Variants in MLLT3 observed in about 807,000 individuals in gnomAD.
MLLT3 encodes protein AF-9.
Under a neutral mutation model 53.2 loss-of-function variants are expected in MLLT3, and 4 were observed. The observed-to-expected ratio is 0.08, with a 90% CI of 0.04 to 0.17. The LOEUF (loss-of-function observed/expected upper bound fraction) is 0.17, where lower values mean the gene tolerates loss of function less well. Ranked by LOEUF, MLLT3 falls within the 10% of genes least tolerant of loss-of-function variation. The pLI, the probability that MLLT3 is intolerant of heterozygous loss-of-function variation, is 1.00. For synonymous variants in MLLT3, 283 were observed against 230.6 expected, an observed-to-expected ratio of 1.23 and a Z score of -2.06; for missense variants, 569 against 684.0, an observed-to-expected ratio of 0.83 and a Z score of 1.87.
intron 5 of MLLT3, among the ~76,000 whole-genome samples, chr9:20,387,378 G>A (rs1261522540): frequency 6.6e-6 from 1 of 152,198 alleles, no homozygotes; most frequent in Non-Finnish European, 1.5e-5. Flanking sequence ...TAGGGATTTG[G>A]TGAACTTTGT....
intron 2 of MLLT3, among the ~76,000 whole-genome samples, chr9:20,534,220 G>T (rs1296013038): frequency 1.3e-5 from 2 of 152,162 alleles, no homozygotes; most frequent in Admixed American, 6.5e-5. Context: ...CATGTCTTCG[G>T]AAAGTTGCTA....
chr9:20,501,157 A>G (rs907602419), intron 2 of MLLT3, among the ~76,000 whole-genome samples: 11 of 152,346 alleles, frequency 7.2e-5, no homozygotes, highest in South Asian at 2.1e-4. Flanking sequence ...TTCTACTTCC[A>G]TAAATCATGA....
chr9:20,421,828 T>C (rs1823015963), intron 4 of MLLT3, among the ~76,000 whole-genome samples: 1 of 151,910 alleles, frequency 6.6e-6, no homozygotes, highest in South Asian at 2.1e-4. Flanking sequence ...AATCAACCCA[T>C]CAATTGGCAG....
intron 2 of MLLT3, among the ~76,000 whole-genome samples, chr9:20,575,722 G>A (rs1279961547): frequency 6.6e-6 from 1 of 152,092 alleles, no homozygotes; most frequent in Admixed American, 6.6e-5. Context: ...TATTCAGTGT[G>A]GCAAGCAGAT....
chr9:20,422,622 A>T (rs1823038833), intron 4 of MLLT3, among the ~76,000 whole-genome samples: 2 of 152,204 alleles, frequency 1.3e-5, no homozygotes, highest in Admixed American at 1.3e-4. Context: ...GAGAGATTCG[A>T]GAGAATAATG....
rs1587152859 is a variant in MLLT3, at chr9:20,360,788, A to G, written c.1385T>C (p.Leu462Pro). 1 of 1,614,110 alleles carries G rather than the reference A, an allele frequency of 6.2e-7. No homozygotes were observed. The highest frequency in any genetic ancestry group is 8.5e-7 in the Non-Finnish European group (1 of 1,179,932). Residue 462 changes from leucine (L) to proline (P), a missense_variant, in exon 8 of 11, where the codon CTA becomes CCA. Physicochemically the swap from Leu to Pro is moderately conservative, Grantham distance 98 (BLOSUM62 -3). This residue lies in a region of MLLT3 where 437 missense variants were observed against 376.5 expected (regional missense o/e 1.16). Transcript: ENST00000380338. ...DSESSSASSP[L>P]HHEPPPPLLK... ...TAAGGGTGGTGGAGGTTCGTGATGT[A>G]GGGGTGAAGAAGCAGAACTGCTTTC...
chr9:20,440,270 A>G (rs905860904), intron 4 of MLLT3, among the ~76,000 whole-genome samples: 1 of 152,168 alleles, frequency 6.6e-6, no homozygotes, highest in Non-Finnish European at 1.5e-5. Context: ...CTGTTATACC[A>G]TGGCTATATC....
chr9:20,385,372 C>G (rs761161909), intron 5 of MLLT3, among the ~76,000 whole-genome samples: 11 of 152,120 alleles, frequency 7.2e-5, no homozygotes, highest in Non-Finnish European at 1.5e-4. Flanking sequence ...AAGGAGACTA[C>G]TCTGATAAAC....
At chr9:20,553,490 C>T (rs1818978488) in intron 2 of MLLT3, among the ~76,000 whole-genome samples, 1 of 152,142 alleles carries the variant, frequency 6.6e-6, no homozygotes, top group Non-Finnish European at 1.5e-5. Flanking sequence ...TCCATCTGAC[C>T]TCAATTCATC....
chr9:20,569,924 C>A (rs1819485629), intron 2 of MLLT3, among the ~76,000 whole-genome samples: 2 of 152,150 alleles, frequency 1.3e-5, no homozygotes, highest in Admixed American at 1.3e-4. Flanking sequence ...CCTCCAATAA[C>A]CCTAGCAGAA....
chr9:20,594,275 T>C (rs1205746398), intron 2 of MLLT3, among the ~76,000 whole-genome samples: 1 of 152,134 alleles, frequency 6.6e-6, no homozygotes, highest in East Asian at 1.9e-4. Context: ...ATTAATCTTC[T>C]AGATATCACC....
At chr9:20,383,679 C>A (rs1821960095) in intron 5 of MLLT3, among the ~76,000 whole-genome samples, 1 of 151,904 alleles carries the variant, frequency 6.6e-6, no homozygotes, top group Admixed American at 6.6e-5. Flanking sequence ...AAAGTTATGT[C>A]TGAGTCCATT....
chr9:20,566,040 ATT>A (rs1197040902), intron 2 of MLLT3, among the ~76,000 whole-genome samples: 2 of 119,506 alleles, frequency 1.7e-5, no homozygotes, highest in African/African-American at 5.9e-5. Flanking sequence ...ATATTTATTT[ATT>A]TATATATATA....
chr9:20,441,065 C>T (rs1823536862), intron 4 of MLLT3, among the ~76,000 whole-genome samples: 1 of 152,152 alleles, frequency 6.6e-6, no homozygotes, highest in African/African-American at 2.4e-5. Context: ...ATTCTAGGAA[C>T]ATCTCCCTCT....
chr9:20,521,458 ATG>A (rs34711683), intron 2 of MLLT3, among the ~76,000 whole-genome samples: 70,444 of 148,226 alleles, frequency 0.48, 16,467 homozygotes, highest in African/African-American at 0.51. Flanking sequence ...GTGTGTGTAT[ATG>A]TGTGTGTGTG....
At chr9:20,504,395 G>A (rs915534080) in intron 2 of MLLT3, among the ~76,000 whole-genome samples, 1 of 150,894 alleles carries the variant, frequency 6.6e-6, no homozygotes, top group Non-Finnish European at 1.5e-5. Context: ...TATATTAAAG[G>A]CTGAATACTA....
chr9:20,420,834 A>T (rs1032855279), intron 4 of MLLT3, among the ~76,000 whole-genome samples: 1 of 152,182 alleles, frequency 6.6e-6, no homozygotes, highest in Non-Finnish European at 1.5e-5. Flanking sequence ...TCCTAATGCT[A>T]TCCTTGAATA....
intron 8 of MLLT3, among the ~76,000 whole-genome samples, chr9:20,356,953 C>T (rs1821185798): frequency 6.6e-6 from 1 of 152,204 alleles, no homozygotes; most frequent in Admixed American, 6.5e-5. Flanking sequence ...GTTAATCTTC[C>T]TTCTTTGATC....
chr9:20,554,506 A>C (rs953017742), intron 2 of MLLT3, among the ~76,000 whole-genome samples: 2 of 152,214 alleles, frequency 1.3e-5, no homozygotes, highest in Admixed American at 6.5e-5. Context: ...AGAATGTTAC[A>C]ACAGTCCATA....
Sources: allele counts gnomAD v4.1 joint callset (sites outside exome capture counted in the v4.1 genomes callset), GRCh38; gene constraint gnomAD v4.1.1; regional missense constraint gnomAD v4.1.1; transcripts MANE v1.5; gene names NCBI Gene and HGNC (gene_info 2026-07-23, HGNC 2026-07-21).